Variants in TTN observed in about 807,000 individuals in gnomAD.
TTN encodes the protein connectin.
A neutral mutation model predicts 3,223.0 loss-of-function variants in TTN; 1,525 were observed. That is an observed-to-expected ratio of 0.47 (90% CI 0.45 to 0.49). TTN has a LOEUF of 0.49. Among genes scored for constraint, TTN ranks in the 20% least tolerant of loss-of-function variants. The pLI is 0.00. For missense variants in TTN, 40,786 were observed against 43,424.0 expected, an observed-to-expected ratio of 0.94 and a Z score of 5.40; for synonymous variants, 14,094 against 15,161.0, an observed-to-expected ratio of 0.93 and a Z score of 5.17.
In TTN at chr2:178,614,292, G is replaced by T; in HGVS notation, c.49105C>A (p.Leu16369Ile). Reference protein sequence around the residue: ...DITDVTNESCLLTWNPPRDDG... With the variant: ...DITDVTNESCILTWNPPRDDG... Reference sequence around the variant, plus strand: ...TCGCGTGGTGGGTTCCATGTTAGAAGACATGACTCATTGGTTACATCTGTG... The same window carrying T: ...TCGCGTGGTGGGTTCCATGTTAGAATACATGACTCATTGGTTACATCTGTG... Residue 16369 changes from leucine (L) to isoleucine (I), a missense_variant, in exon 262 of 363, where the codon CTT becomes ATT. By Grantham distance (5) the Leu-to-Ile change is conservative. Coordinates refer to ENST00000589042, the MANE Select transcript of TTN (RefSeq NM_001267550.2). 6.2e-7 allele frequency: 1 copy of T among 1,612,698 alleles called. No homozygotes were observed. The highest frequency in any genetic ancestry group is 8.5e-7 in the Non-Finnish European group (1 of 1,179,254).
At chr2:178,761,635 G>A (rs771118143) in intron 43 of TTN, among the ~76,000 whole-genome samples, 70 of 152,098 alleles carry the variant, frequency 4.6e-4, no homozygotes, top group South Asian at 1.5e-3. Context: ...TGATGAGTAC[G>A]TGGGCCTGTT....
At chr2:178,701,306 T>C (rs1294145930) in intron 110 of TTN, 103 bp from the exon 111 acceptor site, 3 of 1,132,582 alleles carry the variant, frequency 2.6e-6, no homozygotes, top group Non-Finnish European at 3.8e-6. Flanking sequence ...ATAGGTATTA[T>C]AGTACGAATT....
chr2:178,635,105 C>A, intron 228 of TTN, 60 bp downstream of exon 228: 2 of 1,595,230 alleles, frequency 1.3e-6, no homozygotes, highest in South Asian at 1.1e-5. Flanking sequence ...GGATATAGAT[C>A]CTGAATATTG....
chr2:178,719,104 G>A (rs994089000), intron 83 of TTN, 60 bp downstream of exon 83: 3 of 1,548,924 alleles, frequency 1.9e-6, no homozygotes, highest in African/African-American at 2.8e-5. Flanking sequence ...GGGAAGGCAG[G>A]CACCACGTCC....
At chr2:178,777,098 C>A in intron 27 of TTN, 49 bp from the exon 28 acceptor site, 1 of 1,613,858 alleles carries the variant, frequency 6.2e-7, no homozygotes. Flanking sequence ...TATAGCTTCC[C>A]TGGTTATTGG....
rs1483001698 is a variant in TTN, at chr2:178,570,070, G to A, written c.76062C>T (p.Cys25354=). The change falls in exon 326 of 363, where the codon TGC becomes TGT. Residue 25354 remains cysteine (C), a synonymous_variant. Coordinates refer to ENST00000589042, the MANE Select transcript of TTN (RefSeq NM_001267550.2). ...GCAACTCTCCAATCAGACGCTTATG[G>A]CATCTTGTCCATCTAATGCCTTCTT... ...RDKEGIRWTR[C]HKRLIGELRL... is the part of the protein sequence containing the mutation. 3 of 1,613,314 alleles carry A rather than the reference G, an allele frequency of 1.9e-6. No individual in the cohort carries two copies. Among genetic ancestry groups the A allele is most frequent in the Middle Eastern group, 1.7e-4 (1 of 6,048 alleles).
At chr2:178,750,174 C>A (rs144690298) in intron 47 of TTN, 8 of 1,613,084 alleles carry the variant, frequency 5.0e-6, no homozygotes, top group Middle Eastern at 1.6e-4. Context: ...GTTTGGCCCT[C>A]TTGACTCATA....
At chr2:178,649,053 T>C (rs2062481186) in intron 213 of TTN, among the ~76,000 whole-genome samples, 195 bp downstream of exon 213, 1 of 152,164 alleles carries the variant, frequency 6.6e-6, no homozygotes. Flanking sequence ...ATGTGATATA[T>C]CACAGCACAA....
In TTN at chr2:178,713,325, CA is replaced by C; in HGVS notation, c.26808del (p.Asn8936LysfsTer9). On this transcript the variant is annotated frameshift_variant, in exon 93 of 363. Coordinates refer to ENST00000589042, the MANE Select transcript of TTN (RefSeq NM_001267550.2). LOFTEE classifies it high-confidence loss of function. ...PSFTRKLKET[N>X]GLSGSSVVME... ...ATTACAACTGAGGAGCCGGATAGAC[CA>C]TTTGTCTCTTTCAATTTTCTTGTGA... 1 of 1,568,918 alleles carries C rather than the reference CA, an allele frequency of 6.4e-7. No individual in the cohort carries two copies. The highest frequency in any genetic ancestry group is 8.7e-7 in the Non-Finnish European group (1 of 1,154,966).
In TTN at chr2:178,795,628, T is replaced by A. The variant is rs542335599; in HGVS notation, c.915-376A>T. ...TCCAAATTCATCTCTGTATTCCAAT[T>A]CTGGGGGGGTTAGAGGATGTCAAAT... On this transcript the variant is annotated intron_variant, in intron 6 of 362. Transcript: ENST00000589042. 7.2e-5 allele frequency among the ~76,000 whole-genome samples: 11 copies of A among 152,250 alleles called. No homozygotes were observed. The South Asian group carries it at 1.9e-3, about 26-fold the overall frequency.
In TTN at chr2:178,632,542, G is replaced by GC; in HGVS notation, c.43463dup (p.Lys14489GlnfsTer5). The GC allele has an allele frequency of 6.2e-7, 1 of 1,613,176 alleles. No homozygotes were observed. The highest frequency in any genetic ancestry group is 8.5e-7 in the Non-Finnish European group (1 of 1,179,522). On this transcript the variant is annotated frameshift_variant, in exon 235 of 363. Coordinates refer to ENST00000589042, the MANE Select transcript of TTN (RefSeq NM_001267550.2). LOFTEE classifies it high-confidence loss of function. ...ACTATTTACCTTCAATGATCAGTTT[G>GC]CCACTTGTGTGCTTATCTTCAGCTT...
In TTN at chr2:178,616,722, T is replaced by C. The variant is rs2057414181; in HGVS notation, c.48160+7A>G. On this transcript the variant is annotated splice_region_variant and intron_variant, in intron 256 of 362. Coordinates refer to ENST00000589042, the MANE Select transcript of TTN (RefSeq NM_001267550.2). ...TCACCTTAGATGATAAATGTTTTGT[T>C]CCTTACCAATTACATTGACATCAAT... 6 of 1,612,260 alleles carry C rather than the reference T, an allele frequency of 3.7e-6. No individual in the cohort carries two copies. The highest frequency in any genetic ancestry group is 5.1e-6 in the Non-Finnish European group (6 of 1,179,110).
Position 178,663,809 on chromosome 2 carries a change from T to C in TTN, c.36448+10A>G, listed in dbSNP as rs752861372. 1 of 1,613,496 alleles carries C rather than the reference T, an allele frequency of 6.2e-7. No individual in the cohort carries two copies. The highest frequency in any genetic ancestry group is 8.5e-7 in the Non-Finnish European group (1 of 1,179,794). On this transcript the variant is annotated intron_variant, in intron 170 of 362. Transcript: ENST00000589042. ...AATGAGATCTGAAGCCTAAGGTCAG[T>C]GGCAACTACCTTTAACAGGTGGGAC...
chr2:178,731,949 T>C lies in TTN; in HGVS notation c.16926A>G (p.Glu5642=). 6.2e-7 allele frequency: 1 copy of C among 1,608,156 alleles called. No individual in the cohort carries two copies. The highest frequency in any genetic ancestry group is 1.1e-5 in the South Asian group (1 of 90,748). ...IVKESPYFTK[E]FKPIEVLKEY... The stretch of plus-strand genomic sequence containing the variant: ...CCTTTAAGACTTCAATTGGCTTAAA[T>C]TCCTTGGTAAAATAAGGTGACTCTA... The change falls in exon 58 of 363, where the codon GAA becomes GAG. Residue 5642 remains glutamate (E), a synonymous_variant. Coordinates refer to ENST00000589042, the MANE Select transcript of TTN (RefSeq NM_001267550.2).
At position 178,535,134 on chromosome 2, in the gene TTN, A is replaced by G; in HGVS notation, c.101481T>C (p.Arg33827=). 1 of 1,613,780 alleles carries G rather than the reference A, an allele frequency of 6.2e-7. No homozygotes were observed. The highest frequency in any genetic ancestry group is 8.5e-7 in the Non-Finnish European group (1 of 1,179,844). Residue 33827 remains arginine, a synonymous_variant, in exon 358 of 363, where the codon CGT becomes CGC. Coordinates refer to ENST00000589042, the MANE Select transcript of TTN (RefSeq NM_001267550.2). Reference sequence around the variant, plus strand: ...AACGATGGACAATTCCAAACTCACCACGCCCAAGATCTTCAGCAATCATAT... The same window carrying G: ...AACGATGGACAATTCCAAACTCACCGCGCCCAAGATCTTCAGCAATCATAT... ...EKYMIAEDLG[R]GEFGIVHRCV...
chr2:178,625,135 T>C (rs2058834693), intron 241 of TTN, 138 bp downstream of exon 241: 6 of 1,287,074 alleles, frequency 4.7e-6, no homozygotes, highest in Non-Finnish European at 6.3e-6. Context: ...TTTGTTATGC[T>C]AAAAAGTAAA....
Position 178,636,299 on chromosome 2 carries a change from T to C in TTN, c.41330-58A>G. 2 of 1,482,378 alleles carry C rather than the reference T, an allele frequency of 1.3e-6. No homozygotes were observed. The highest frequency in any genetic ancestry group is 2.8e-5 in the South Asian group (2 of 70,192). The allele number at this position is 1,482,378 out of a possible 1,614,324, so 91.8% of individuals were successfully genotyped here. A position where few individuals can be genotyped will look rare whatever the true frequency, so the allele number is the denominator to read the frequency against. ...TACAATATTTTCAATGAAATAAAAC[T>C]TGGAAATAAGAGGTTTTGTAAAACT... On this transcript the variant is annotated intron_variant, in intron 225 of 362. Transcript: ENST00000589042. This position sits in a 1 kb window ranked among gnomAD's most constrained non-coding sequence, Gnocchi z 4.3.
rs1553536237 is a variant in TTN, at chr2:178,550,143, C to T, written c.91695G>A (p.Val30565=). The T allele has an allele frequency of 1.9e-6, 3 of 1,613,718 alleles. No homozygotes were observed. Among genetic ancestry groups the T allele is most frequent in the Non-Finnish European group, 2.5e-6 (3 of 1,179,764 alleles). The change falls in exon 337 of 363, where the codon GTG becomes GTA. Residue 30565 remains valine (V), a synonymous_variant. Coordinates refer to ENST00000589042, the MANE Select transcript of TTN (RefSeq NM_001267550.2). The part of the protein sequence containing the change: ...VPRVTWFKDG[V]EIEKRMNMEI... ...CCATATTCATCCTCTTTTCGATTTC[C>T]ACTCCATCTTTGAACCAAGTTACTC... is the stretch of plus-strand genomic sequence containing the variant.
In TTN at chr2:178,670,179, A is replaced by C. The variant is rs2066726239; in HGVS notation, c.35386+39T>G. 7 of 1,336,738 alleles carry C rather than the reference A, an allele frequency of 5.2e-6. No homozygotes were observed. In the East Asian group the frequency reaches 2.0e-4, roughly 37 times the overall value. 82.8% of individuals were successfully genotyped at this position (1,336,738 alleles called of 1,614,324 possible). A position where few individuals can be genotyped will look rare whatever the true frequency, so the allele number is the denominator to read the frequency against. On this transcript the variant is annotated intron_variant, in intron 157 of 362. Coordinates refer to ENST00000589042, the MANE Select transcript of TTN (RefSeq NM_001267550.2). ...CTCTTACATAGTAAGTGAATAAAAA[A>C]GGATTTTATATTAATGATGAATGAG...
Sources: allele counts gnomAD v4.1 joint callset (sites outside exome capture counted in the v4.1 genomes callset), GRCh38; gene constraint gnomAD v4.1.1; non-coding constraint Gnocchi (gnomAD v3.1); transcripts MANE v1.5; gene names NCBI Gene and HGNC (gene_info 2026-07-23, HGNC 2026-07-21).